LRRC4C: variants seen among roughly 807,000 people sequenced by gnomAD.
LRRC4C encodes the protein leucine-rich repeat-containing protein 4C.
Under a neutral mutation model 33.6 loss-of-function variants are expected in LRRC4C, and 5 were observed. The observed-to-expected ratio is 0.15, with a 90% CI of 0.08 to 0.31. The LOEUF is 0.31. Ranked by LOEUF, LRRC4C falls within the 10% of genes least tolerant of loss-of-function variation. The probability of loss-of-function intolerance (pLI) is 1.00; values close to 1 mark genes in which losing one functional copy is unlikely to be tolerated. For synonymous variants in LRRC4C, 329 were observed against 302.0 expected, an observed-to-expected ratio of 1.09 and a Z score of -0.93; for missense variants, 560 against 796.7, an observed-to-expected ratio of 0.70 and a Z score of 3.58.
intron 3 of LRRC4C, among the ~76,000 whole-genome samples, chr11:40,615,152 T>C (rs1431529088): frequency 6.6e-6 from 1 of 150,536 alleles, no homozygotes; most frequent in South Asian, 2.1e-4. Context: ...GCTGATAATG[T>C]CTGATGAGTA....
rs193078084 is a variant in LRRC4C at position 41,323,443 on chromosome 11, A to G, written c.-496+135988T>C. ...AGGAAGAAAGGAAATGAGACAAGGAATCATCACACACTGCCTTACCACATA... is the reference window on the plus strand; with the variant it reads ...AGGAAGAAAGGAAATGAGACAAGGAGTCATCACACACTGCCTTACCACATA... On this transcript the variant is annotated intron_variant, in intron 1 of 6. Transcript: ENST00000528697. Among the ~76,000 whole-genome samples, 605 of 152,358 alleles carry G rather than the reference A, an allele frequency of 4.0e-3. 4 individuals carry two copies. The highest frequency in any genetic ancestry group is 3.8e-3 in the Non-Finnish European group (260 of 68,034).
chr11:41,313,573 T>C (rs1950701047), intron 1 of LRRC4C, among the ~76,000 whole-genome samples: 1 of 152,196 alleles, frequency 6.6e-6, no homozygotes, highest in South Asian at 2.1e-4. Flanking sequence ...CTTGAGACAG[T>C]GCTCATTTAC....
intron 4 of LRRC4C, among the ~76,000 whole-genome samples, chr11:40,295,631 T>G (rs1050478398): frequency 6.6e-6 from 1 of 152,218 alleles, no homozygotes; most frequent in Non-Finnish European, 1.5e-5. Context: ...TAATGTTCTT[T>G]GCATACTGAG....
rs77378455 is a variant in LRRC4C, at chr11:40,578,519, G to A, written c.-270+69623C>T. 6.3e-3 allele frequency among the ~76,000 whole-genome samples: 951 copies of A among 151,720 alleles called. 16 individuals are homozygous for A. Among genetic ancestry groups the A allele is most frequent in the African/African-American group, 0.022 (907 of 41,392 alleles). ...ACTTACCTCTCTTTTTTCTACCCAA[G>A]CATTCCTACACATATACCTGTCTCT... On this transcript the variant is annotated intron_variant, in intron 3 of 6. Transcript: ENST00000528697.
chr11:40,241,848 G>A (rs1249192621), intron 4 of LRRC4C: 2 of 152,234 alleles, frequency 1.3e-5, no homozygotes, highest in African/African-American at 2.4e-5. Flanking sequence ...CAAAGCAGAA[G>A]AGAAAGGCTG....
At chr11:40,823,060 A>C (rs1181813814) in intron 2 of LRRC4C, among the ~76,000 whole-genome samples, 1 of 151,780 alleles carries the variant, frequency 6.6e-6, no homozygotes, top group Non-Finnish European at 1.5e-5. Flanking sequence ...GACTTTTCAT[A>C]AAGGTATCAA....
chr11:41,288,929 T>G (rs1249842509), intron 1 of LRRC4C, among the ~76,000 whole-genome samples: 1 of 152,136 alleles, frequency 6.6e-6, no homozygotes, highest in African/African-American at 2.4e-5. Flanking sequence ...TTATTTTTTT[T>G]TTTTAAGAGC....
At chr11:40,934,528 C>G (rs1042494258) in intron 1 of LRRC4C, among the ~76,000 whole-genome samples, 3 of 152,150 alleles carry the variant, frequency 2.0e-5, no homozygotes, top group Non-Finnish European at 2.9e-5. Flanking sequence ...TTAGTTAGTA[C>G]TGCTATAGTT....
chr11:41,229,526 G>C (rs1947690216), intron 1 of LRRC4C, among the ~76,000 whole-genome samples: 7 of 152,080 alleles, frequency 4.6e-5, no homozygotes, highest in Admixed American at 4.6e-4. Flanking sequence ...CACTGAGTTT[G>C]TATTAGGTTT....
chr11:40,315,719 T>C (rs901908028), intron 4 of LRRC4C, among the ~76,000 whole-genome samples: 3 of 152,142 alleles, frequency 2.0e-5, no homozygotes, highest in East Asian at 1.9e-4. Flanking sequence ...CACTGATTTA[T>C]TTGCAATCTT....
At chr11:40,895,589 T>G (rs1955904189) in intron 2 of LRRC4C, among the ~76,000 whole-genome samples, 1 of 152,156 alleles carries the variant, frequency 6.6e-6, no homozygotes, top group South Asian at 2.1e-4. Context: ...TTAAAAGGTA[T>G]TTAGAAATAC....
intron 1 of LRRC4C, among the ~76,000 whole-genome samples, chr11:41,355,697 A>C (rs1272826304): frequency 6.6e-6 from 1 of 152,078 alleles, no homozygotes; most frequent in African/African-American, 2.4e-5. Context: ...GTATTTCTAA[A>C]TGTTTTCTAT....
intron 1 of LRRC4C, among the ~76,000 whole-genome samples, chr11:41,354,582 G>A (rs1438626740): frequency 6.6e-6 from 1 of 151,970 alleles, no homozygotes. Context: ...GTAATCCTAA[G>A]CAAAAAGAAC....
intron 1 of LRRC4C, among the ~76,000 whole-genome samples, chr11:41,157,498 A>G (rs938575235): frequency 5.9e-5 from 9 of 152,174 alleles, no homozygotes; most frequent in African/African-American, 2.2e-4. Context: ...CTAATTATGC[A>G]ATATTTCCTC....
At chr11:40,908,889 T>C (rs1369536220) in intron 2 of LRRC4C, among the ~76,000 whole-genome samples, 2 of 152,202 alleles carry the variant, frequency 1.3e-5, no homozygotes, top group Non-Finnish European at 2.9e-5. Flanking sequence ...TTTATTGAAC[T>C]TCTAGCAAAG....
intron 5 of LRRC4C, among the ~76,000 whole-genome samples, chr11:40,141,905 GTTA>G (rs59719173): frequency 0.24 from 36,472 of 151,944 alleles, 4,436 homozygotes; most frequent in South Asian, 0.39. Flanking sequence ...ACTAATGAAT[GTTA>G]TTATTATGCA....
At chr11:41,255,275 G>T (rs1948763390) in intron 1 of LRRC4C, among the ~76,000 whole-genome samples, 1 of 151,912 alleles carries the variant, frequency 6.6e-6, no homozygotes, top group South Asian at 2.1e-4. Context: ...AAAGCCTTGT[G>T]CCTTTATCAT....
At chr11:40,125,550 T>TTC (rs35065547) in intron 6 of LRRC4C, among the ~76,000 whole-genome samples, 28,690 of 151,218 alleles carry the variant, frequency 0.19, 2,855 homozygotes, top group East Asian at 0.36. Flanking sequence ...TGTTCATTTC[T>TTC]TCTCTCTCTC....
At chr11:40,514,517 A>C (rs2135168133) in intron 3 of LRRC4C, among the ~76,000 whole-genome samples, 1 of 152,312 alleles carries the variant, frequency 6.6e-6, no homozygotes, top group Non-Finnish European at 1.5e-5. Flanking sequence ...CAAAGTACTT[A>C]ATAGAGTAAC....
Sources: gnomAD v4.1 joint callset for allele counts (sites outside exome capture counted in the v4.1 genomes callset) on GRCh38, gnomAD v4.1.1 for gene constraint, MANE v1.5 for transcripts, NCBI Gene and HGNC (gene_info 2026-07-23, HGNC 2026-07-21) for gene names.